The following TAB3 variants were observed in gnomAD, a reference collection of about 807,000 sequenced individuals.
The protein encoded by TAB3 is TGF-beta activated kinase 1 (MAP3K7) binding protein 3.
TAB3 carries 18 observed loss-of-function variants against 48.1 expected under a neutral mutation model. That is an observed-to-expected ratio of 0.37 (90% CI 0.26 to 0.55). The LOEUF (loss-of-function observed/expected upper bound fraction) is 0.55. Ranked by LOEUF, TAB3 falls within the 20% of genes least tolerant of loss-of-function variation. The pLI, the probability that TAB3 is intolerant of heterozygous loss-of-function variation, is 0.78. For missense variants in TAB3, 414 were observed against 549.8 expected (o/e 0.75, Z 2.47); for synonymous variants, 185 against 190.2 (o/e 0.97, Z 0.22).
At chrX:30,858,327 C>T (rs758697819) in intron 5 of TAB3, among the ~76,000 whole-genome samples, 4 of 111,494 alleles carry the variant, frequency 3.6e-5, no homozygotes, top group African/African-American at 1.3e-4. Flanking sequence ...GGTTTCACTC[C>T]GGTGGGAAGT....
At chrX:30,876,110 C>T (rs1939823928) in intron 1 of TAB3, among the ~76,000 whole-genome samples, 1 of 111,930 alleles carries the variant, frequency 8.9e-6, no homozygotes, top group South Asian at 3.7e-4. Context: ...GGGTGAATCG[C>T]AATGAATCAG....
At chrX:30,841,509 T>C (rs757790556) in intron 9 of TAB3, among the ~76,000 whole-genome samples, 102 of 101,025 alleles carry the variant, frequency 1.0e-3, no homozygotes, top group African/African-American at 3.5e-3. Flanking sequence ...ACAGATACTA[T>C]GTTGCAACTT....
At chrX:30,874,566 T>C (rs1246184347) in intron 1 of TAB3, among the ~76,000 whole-genome samples, 2 of 112,193 alleles carry the variant, frequency 1.8e-5, no homozygotes, top group African/African-American at 3.2e-5. Flanking sequence ...TATTTGACAT[T>C]CACAGGCCTA....
At chrX:30,867,399 C>T (rs1403182968) in intron 3 of TAB3, 66 bp downstream of exon 3, 1 of 111,171 alleles carries the variant, frequency 9.0e-6, no homozygotes, top group East Asian at 2.8e-4. Context: ...ACCATCTTCT[C>T]AATTTTTCTG....
intron 9 of TAB3, among the ~76,000 whole-genome samples, chrX:30,842,727 G>A (rs1938493729): frequency 9.0e-6 from 1 of 110,887 alleles, no homozygotes; most frequent in Non-Finnish European, 1.9e-5. Context: ...TTGGGAGGCT[G>A]AGGCAGAAAG....
intron 5 of TAB3, among the ~76,000 whole-genome samples, chrX:30,857,228 T>C (rs1023352190): frequency 9.0e-6 from 1 of 111,702 alleles, no homozygotes; most frequent in African/African-American, 3.2e-5. Flanking sequence ...AAAAAATACT[T>C]TGAGTGACGG....
At chrX:30,875,147 C>A (rs919774904) in intron 1 of TAB3, among the ~76,000 whole-genome samples, 1 of 111,987 alleles carries the variant, frequency 8.9e-6, no homozygotes, top group Non-Finnish European at 1.9e-5. Flanking sequence ...AAGAAGAAAG[C>A]ATAATATGAT....
At position 30,853,502 on chromosome X, in the gene TAB3, T is replaced by G. The variant is rs61662320; in HGVS notation, c.1550-564A>C. ...AATTCTTTCGTTTGATGAACTTTAG[T>G]CCATTCTCCATGAATCTCTTTTTTC... On this transcript the variant is annotated intron_variant, in intron 6 of 10. Transcript: ENST00000288422. Among the ~76,000 whole-genome samples, 715 of 110,823 alleles carry G rather than the reference T, an allele frequency of 6.5e-3. 6 individuals are homozygous for G. Among genetic ancestry groups the G allele is most frequent in the African/African-American group, 0.023 (672 of 29,253 alleles).
At chrX:30,863,793 A>C (rs1246106970) in intron 4 of TAB3, among the ~76,000 whole-genome samples, 1 of 112,125 alleles carries the variant, frequency 8.9e-6, no homozygotes, top group Non-Finnish European at 1.9e-5. Flanking sequence ...TGACATAAGA[A>C]TGGCCTAATA....
Position 30,868,235 on chromosome X carries a change from C to G in TAB3, c.-279-686G>C, listed in dbSNP as rs773320621. 2.1e-4 allele frequency among the ~76,000 whole-genome samples: 19 copies of G among 91,641 alleles called. No homozygotes were observed. In the East Asian group the frequency reaches 6.6e-3, roughly 32 times the overall value. The allele number at this position is 91,641 out of a possible 115,157, so 79.6% of individuals were successfully genotyped here. ...ATTGCATAGCACAAAGTGTGTATAA[C>G]TTTTTGAAAAATGCTACCTCTATTA... On this transcript the variant is annotated intron_variant, in intron 2 of 10. Coordinates refer to ENST00000288422, the MANE Select transcript of TAB3 (RefSeq NM_152787.5).
chrX:30,872,451 C>A (rs1320820390), intron 1 of TAB3, among the ~76,000 whole-genome samples: 2 of 111,550 alleles, frequency 1.8e-5, no homozygotes, highest in African/African-American at 6.5e-5. Flanking sequence ...AAGACCTTCC[C>A]CATGACCCAA....
In TAB3 at chrX:30,863,759, C is replaced by A. The variant is rs936173260; in HGVS notation, c.-91+3356G>T. ...TAAACCTCTTTTCTTTATAAATTACCCTGCCTCAGGTGTTTCTTTACAGTG... is the reference window on the plus strand; with the variant it reads ...TAAACCTCTTTTCTTTATAAATTACACTGCCTCAGGTGTTTCTTTACAGTG... On this transcript the variant is annotated intron_variant, in intron 4 of 10. Coordinates refer to ENST00000288422, the MANE Select transcript of TAB3 (RefSeq NM_152787.5). 4.5e-5 allele frequency among the ~76,000 whole-genome samples: 5 copies of A among 111,819 alleles called. No homozygotes were observed. The Admixed American group carries it at 4.7e-4, about 11-fold the overall frequency.
At chrX:30,880,908 A>C (rs1343881001) in intron 1 of TAB3, among the ~76,000 whole-genome samples, 1 of 111,420 alleles carries the variant, frequency 9.0e-6, no homozygotes, top group Non-Finnish European at 1.9e-5. Flanking sequence ...CTAAACTGTA[A>C]AATAATTACT....
chrX:30,855,026 T>C lies in TAB3; in HGVS notation c.639A>G (p.Leu213=). The change falls in exon 6 of 11, where the codon TTA becomes TTG. Residue 213 remains leucine (L), a synonymous_variant. Coordinates refer to ENST00000288422, the MANE Select transcript of TAB3 (RefSeq NM_152787.5). ...TGCTTGGAATTTGTGGAAGAATTTG[T>C]AAAGCTCTTGGTACAGTCTGTCCAG... ...LPSGQTVPRA[L]QILPQIPSNL... 8.3e-7 allele frequency: 1 copy of C among 1,211,334 alleles called. No individual in the cohort carries two copies. The highest frequency in any genetic ancestry group is 1.1e-6 in the Non-Finnish European group (1 of 895,149).
rs756131405 is a variant in TAB3 at position 30,846,582 on chromosome X, T to C, written c.1773A>G (p.Thr591=). The C allele has an allele frequency of 2.5e-6, 3 of 1,204,374 alleles. No individual in the cohort carries two copies. The highest frequency in any genetic ancestry group is 1.8e-5 in the South Asian group (1 of 55,347). Reference sequence around the variant, plus strand: ...ATTGAAGGAGGTCAACTTCTTTCAGTGTACAGTCAACATTTATCTGGAGTT... The same window carrying C: ...ATTGAAGGAGGTCAACTTCTTTCAGCGTACAGTCAACATTTATCTGGAGTT... The part of the protein sequence containing the change: ...NRQLQINVDC[T]LKEVDLLQSR... The change falls in exon 8 of 11, where the codon ACA becomes ACG. Residue 591 remains threonine, a synonymous_variant. Coordinates refer to ENST00000288422, the MANE Select transcript of TAB3 (RefSeq NM_152787.5).
intron 9 of TAB3, among the ~76,000 whole-genome samples, chrX:30,839,940 ATATAATATATAT>A (rs1569204508): frequency 3.0e-4 from 28 of 92,598 alleles, no homozygotes; most frequent in African/African-American, 1.1e-3. Flanking sequence ...ATATATATAT[ATATAATATATAT>A]TAAAAAAACA....
At chrX:30,842,307 C>A (rs1361837218) in intron 9 of TAB3, among the ~76,000 whole-genome samples, 1 of 111,798 alleles carries the variant, frequency 8.9e-6, no homozygotes, top group African/African-American at 3.2e-5. Context: ...CACAAGTATT[C>A]TTTTGTTGTC....
chrX:30,838,706 A>G (rs539273775), intron 9 of TAB3, among the ~76,000 whole-genome samples: 3 of 111,903 alleles, frequency 2.7e-5, no homozygotes, highest in African/African-American at 9.7e-5. Context: ...TCTTTTGACA[A>G]TGTTTTATAG....
intron 1 of TAB3, among the ~76,000 whole-genome samples, chrX:30,885,867 G>A (rs1940116902): frequency 9.0e-6 from 1 of 111,392 alleles, no homozygotes; most frequent in African/African-American, 3.3e-5. Flanking sequence ...CCTAGAGCAC[G>A]GGATGGTGGA....
Sources: gnomAD v4.1 joint callset for allele counts (sites outside exome capture counted in the v4.1 genomes callset) on GRCh38, gnomAD v4.1.1 for gene constraint, MANE v1.5 for transcripts, NCBI Gene and HGNC (gene_info 2026-07-23, HGNC 2026-07-21) for gene names.